The following NUAK1 variants were observed in gnomAD, a reference collection of about 807,000 sequenced individuals.
NUAK1 encodes the protein NUAK family SNF1-like kinase 1.
Under a neutral mutation model 56.9 loss-of-function variants are expected in NUAK1, and 26 were observed. The observed-to-expected ratio is 0.46, with a 90% confidence interval of 0.33 to 0.63. The LOEUF is 0.63. Ranked by LOEUF, NUAK1 falls within the 30% of genes least tolerant of loss-of-function variation. NUAK1 has a pLI of 0.02. For synonymous variants in NUAK1, 337 were observed against 336.0 expected, an observed-to-expected ratio of 1.00 and a Z score of -0.03; for missense variants, 727 against 876.1, an observed-to-expected ratio of 0.83 and a Z score of 2.15.
chr12:106,128,388 C>T (rs2033045409), intron 1 of NUAK1, among the ~76,000 whole-genome samples: 1 of 152,152 alleles, frequency 6.6e-6, no homozygotes, highest in South Asian at 2.1e-4. Flanking sequence ...ACCTCGGCCT[C>T]TCAAAGTGCT....
chr12:106,106,196 G>A (rs537526240), intron 2 of NUAK1: 6 of 436,250 alleles, frequency 1.4e-5, no homozygotes, highest in Non-Finnish European at 2.4e-5. Context: ...GTATCCGCCA[G>A]AGATATTTTA....
intron 4 of NUAK1, among the ~76,000 whole-genome samples, chr12:106,076,185 G>A (rs1423159475): frequency 6.6e-6 from 1 of 152,220 alleles, no homozygotes; most frequent in East Asian, 1.9e-4. Flanking sequence ...ACCTGAAAGA[G>A]CCCTAACAGA....
At chr12:106,112,785 G>T (rs530948730) in intron 1 of NUAK1, among the ~76,000 whole-genome samples, 1 of 152,334 alleles carries the variant, frequency 6.6e-6, no homozygotes, top group African/African-American at 2.4e-5. Context: ...GCGAGGCACT[G>T]AAGCCAGGGA....
intron 2 of NUAK1, among the ~76,000 whole-genome samples, chr12:106,101,088 C>T (rs11112864): frequency 0.013 from 2,021 of 152,274 alleles, 52 homozygotes; most frequent in African/African-American, 0.046. Flanking sequence ...GCAGGGAGAC[C>T]AGCAGATGGG....
intron 5 of NUAK1, among the ~76,000 whole-genome samples, chr12:106,071,512 C>T (rs2032406623): frequency 6.6e-6 from 1 of 152,184 alleles, no homozygotes; most frequent in African/African-American, 2.4e-5. Context: ...CTAATTGCTG[C>T]CATGTAGTAA....
At chr12:106,119,888 G>A (rs2032956036) in intron 1 of NUAK1, among the ~76,000 whole-genome samples, 1 of 152,174 alleles carries the variant, frequency 6.6e-6, no homozygotes, top group Non-Finnish European at 1.5e-5. Context: ...AAGAAGGCAA[G>A]AAAGTGTGCA....
chr12:106,119,843 A>G (rs1033888159), intron 1 of NUAK1, among the ~76,000 whole-genome samples: 3 of 152,236 alleles, frequency 2.0e-5, no homozygotes, highest in African/African-American at 7.2e-5. Flanking sequence ...ACTCATCAAG[A>G]AAAAGTTTTC....
intron 1 of NUAK1, among the ~76,000 whole-genome samples, chr12:106,135,674 T>C (rs2033122893): frequency 6.6e-6 from 1 of 152,226 alleles, no homozygotes; most frequent in Non-Finnish European, 1.5e-5. Flanking sequence ...TAAAAGGCAC[T>C]GGTGCAAATG....
Position 106,138,611 on chromosome 12 carries a change from A to C in NUAK1, c.43T>G (p.Leu15Val). The C allele has an allele frequency of 6.5e-7, 1 of 1,535,186 alleles. No homozygotes were observed. The highest frequency in any genetic ancestry group is 8.7e-7 in the Non-Finnish European group (1 of 1,147,146). The change falls in exon 1 of 7, where the codon TTG becomes GTG. Residue 15 changes from leucine (L) to valine (V), a missense_variant. Transcript: ENST00000261402. The surrounding 1 kb of genome is among the most constrained non-coding windows in gnomAD (Gnocchi z 5.0). ...GGAGAGCCCGGCGCCCCCAGCCCCAAGTCGGGGCGGTCCCCCGCCACAGGC... is the reference window on the plus strand; with the variant it reads ...GGAGAGCCCGGCGCCCCCAGCCCCACGTCGGGGCGGTCCCCCGCCACAGGC... ...AAPVAGDRPD[L>V]GLGAPGSPRE...
intron 1 of NUAK1, among the ~76,000 whole-genome samples, chr12:106,125,675 C>T (rs565171202): frequency 4.6e-5 from 7 of 152,270 alleles, no homozygotes; most frequent in African/African-American, 1.7e-4. Flanking sequence ...GTGGAGATTT[C>T]CACTTCATTT....
intron 1 of NUAK1, among the ~76,000 whole-genome samples, chr12:106,112,515 T>C (rs1180440967): frequency 6.6e-6 from 1 of 152,172 alleles, no homozygotes; most frequent in Admixed American, 6.5e-5. Context: ...GTCACCACGG[T>C]GATGCCACCC....
In NUAK1 at chr12:106,138,068, T is replaced by C. The variant is rs1479623124; in HGVS notation, c.240+346A>G. Among the ~76,000 whole-genome samples, 3 of 152,204 alleles carry C rather than the reference T, an allele frequency of 2.0e-5. No individual in the cohort carries two copies. Among genetic ancestry groups the C allele is most frequent in the African/African-American group, 7.2e-5 (3 of 41,446 alleles). On this transcript the variant is annotated intron_variant, in intron 1 of 6. Transcript: ENST00000261402. The surrounding 1 kb of genome is among the most constrained non-coding windows in gnomAD (Gnocchi z 5.0). The stretch of plus-strand genomic sequence containing the variant: ...TGTGGAAATAAGACGTTTCGGGGCA[T>C]GGTCTAAATGAGTGCCTGCGAGGGA...
intron 2 of NUAK1, among the ~76,000 whole-genome samples, chr12:106,102,155 C>G (rs1381325055): frequency 6.6e-6 from 1 of 152,198 alleles, no homozygotes; most frequent in Admixed American, 6.5e-5. Context: ...CGAGAGTTTT[C>G]TGGATAAAAA....
At position 106,067,529 on chromosome 12, in the gene NUAK1, A is replaced by G; in HGVS notation, c.1259T>C (p.Val420Ala). 6.2e-7 allele frequency: 1 copy of G among 1,614,124 alleles called. No homozygotes were observed. Among genetic ancestry groups the G allele is most frequent in the Non-Finnish European group, 8.5e-7 (1 of 1,180,016 alleles). The change falls in exon 7 of 7, where the codon GTA becomes GCA. Residue 420 changes from valine to alanine, a missense_variant. Val to Ala is a moderately conservative substitution (Grantham distance 64). Coordinates refer to ENST00000261402, the MANE Select transcript of NUAK1 (RefSeq NM_014840.3). This position sits in a 1 kb window ranked among gnomAD's most constrained non-coding sequence, Gnocchi z 6.0. ...AGTAGAGGGTAAGGCAGGACCAACTACACCTTCAATGAAGCCAGTGCTGTG... is the reference window on the plus strand; with the variant it reads ...AGTAGAGGGTAAGGCAGGACCAACTGCACCTTCAATGAAGCCAGTGCTGTG... ...RSHSTGFIEG[V>A]VGPALPSTFK... is the part of the protein sequence containing the mutation.
chr12:106,129,594 G>A (rs1229078627), intron 1 of NUAK1, among the ~76,000 whole-genome samples: 1 of 152,146 alleles, frequency 6.6e-6, no homozygotes, highest in Admixed American at 6.5e-5. Flanking sequence ...TGAAGGACAT[G>A]GTAAATTCAG....
intron 1 of NUAK1, among the ~76,000 whole-genome samples, chr12:106,113,177 G>T (rs1446366130): frequency 6.6e-6 from 1 of 152,132 alleles, no homozygotes; most frequent in African/African-American, 2.4e-5. Flanking sequence ...ATTGCAAGTG[G>T]TGATGCCACA....
chr12:106,085,814 C>G (rs1031232711), intron 3 of NUAK1, among the ~76,000 whole-genome samples: 6 of 152,142 alleles, frequency 3.9e-5, no homozygotes, highest in African/African-American at 1.4e-4. Context: ...TCAAGGGATC[C>G]TCCTGTCTCA....
chr12:106,135,133 C>T (rs1424749525), intron 1 of NUAK1, among the ~76,000 whole-genome samples: 1 of 152,186 alleles, frequency 6.6e-6, no homozygotes, highest in East Asian at 1.9e-4. Flanking sequence ...GCTCATTTTA[C>T]CGATGAAGAA....
Position 106,090,250 on chromosome 12 carries a change from C to T in NUAK1, c.362-3365G>A, listed in dbSNP as rs531762856. On this transcript the variant is annotated intron_variant, in intron 2 of 6. Transcript: ENST00000261402. Reference sequence around the variant, plus strand: ...GCCAGGCCTGGCTCTGGGACACCATCCCCCAGTCCCCCATAGGAAGAAGCC... The same window carrying T: ...GCCAGGCCTGGCTCTGGGACACCATTCCCCAGTCCCCCATAGGAAGAAGCC... Among the ~76,000 whole-genome samples the T allele has an allele frequency of 1.1e-4, 17 of 152,258 alleles. No homozygotes were observed. The South Asian group carries it at 3.5e-3, about 32-fold the overall frequency.
Sources: gnomAD v4.1 joint callset for allele counts (sites outside exome capture counted in the v4.1 genomes callset) on GRCh38, gnomAD v4.1.1 for gene constraint, Gnocchi (gnomAD v3.1) non-coding constraint, MANE v1.5 for transcripts, NCBI Gene and HGNC (gene_info 2026-07-23, HGNC 2026-07-21) for gene names.